NCKAP5: variants seen among roughly 807,000 people sequenced by gnomAD.
NCKAP5 encodes the protein NCK associated protein 5, also known as nck-associated protein 5.
In NCKAP5, 92 loss-of-function variants were observed where a neutral mutation model predicts 167.0. The ratio of observed to expected loss-of-function variants is 0.55; its 90% CI spans 0.47 to 0.66. NCKAP5 has a LOEUF of 0.66. Ranked by LOEUF, NCKAP5 falls within the 30% of genes least tolerant of loss-of-function variation. The pLI, the probability that NCKAP5 is intolerant of heterozygous loss-of-function variation, is 0.00. For synonymous variants in NCKAP5, 891 were observed against 877.4 expected (o/e 1.02, Z -0.27); for missense variants, 2,378 against 2,315.0 (o/e 1.03, Z -0.56).
intron 7 of NCKAP5, among the ~76,000 whole-genome samples, chr2:132,979,693 C>T (rs1050613044): frequency 6.6e-6 from 1 of 152,226 alleles, no homozygotes; most frequent in Non-Finnish European, 1.5e-5. Flanking sequence ...TTTCTTGCAT[C>T]ACAGTGCCCA....
intron 11 of NCKAP5, among the ~76,000 whole-genome samples, chr2:132,799,762 T>G (rs759549594): frequency 1.6e-4 from 25 of 152,298 alleles, no homozygotes; most frequent in Non-Finnish European, 3.5e-4. Flanking sequence ...TTTATTATTA[T>G]TTTTCAAAAT....
intron 3 of NCKAP5, among the ~76,000 whole-genome samples, chr2:133,401,241 A>G (rs139280030): frequency 1.3e-5 from 2 of 152,300 alleles, no homozygotes; most frequent in East Asian, 3.9e-4. Flanking sequence ...CTCCGGAGAG[A>G]GCATAGAAAC....
chr2:133,330,642 G>A (rs1038913814), intron 3 of NCKAP5, among the ~76,000 whole-genome samples: 3 of 152,008 alleles, frequency 2.0e-5, no homozygotes, highest in Non-Finnish European at 2.9e-5. Context: ...ATCACCCAAG[G>A]CTTTGGGAGG....
chr2:132,722,228 A>T (rs543640438), intron 19 of NCKAP5, among the ~76,000 whole-genome samples: 1 of 152,182 alleles, frequency 6.6e-6, no homozygotes, highest in Non-Finnish European at 1.5e-5. Flanking sequence ...ATGTGGAGTC[A>T]GTGAATTTGT....
In NCKAP5 at chr2:132,924,557, T is replaced by C. The variant is rs1445940661; in HGVS notation, c.579+39163A>G. 2.0e-5 allele frequency among the ~76,000 whole-genome samples: 3 copies of C among 152,218 alleles called. No individual in the cohort carries two copies. In the East Asian group the frequency reaches 5.8e-4, roughly 29 times the overall value. ...TATTCTTAGTTCTTTTAAAATTACA[T>C]GACATATTCTCTTATCAACATAGGC... On this transcript the variant is annotated intron_variant, in intron 8 of 19. Transcript: ENST00000409261.
rs145897789 is a variant in NCKAP5, at chr2:133,557,226, C to T, written c.-62+1824G>A. Among the ~76,000 whole-genome samples, 648 of 152,272 alleles carry T rather than the reference C, an allele frequency of 4.3e-3. 3 individuals are homozygous for T. Among genetic ancestry groups the T allele is most frequent in the Middle Eastern group, 0.02 (6 of 294 alleles). The stretch of plus-strand genomic sequence containing the variant: ...ATCATGAATGCGGTTTTTCTCTCTG[C>T]ACACACACTCATTTGCACGCTTGGC... On this transcript the variant is annotated intron_variant, in intron 2 of 19. Transcript: ENST00000409261.
intron 17 of NCKAP5, among the ~76,000 whole-genome samples, chr2:132,730,896 A>G (rs1333358068): frequency 6.6e-6 from 1 of 152,264 alleles, no homozygotes; most frequent in Non-Finnish European, 1.5e-5. Context: ...GAACTCAGCC[A>G]TGGGAATAGC....
chr2:133,467,898 T>C lies in NCKAP5; in HGVS notation c.69+49560A>G, dbSNP rs1054440075. On this transcript the variant is annotated intron_variant, in intron 3 of 19. Coordinates refer to ENST00000409261, the MANE Select transcript of NCKAP5 (RefSeq NM_207363.3). ...TTATTGTGTCTATTTGATTCTTCTC[T>C]CTTTTCTTCTTTATTAGTCTTGCTA... is the stretch of plus-strand genomic sequence containing the variant. 5.3e-5 allele frequency among the ~76,000 whole-genome samples: 7 copies of C among 133,222 alleles called. 2 individuals carry two copies. The highest frequency in any genetic ancestry group is 4.6e-4 in the Admixed American group (6 of 12,918). The allele number at this position is 133,222 out of a possible 152,430, so 87.4% of individuals were successfully genotyped here.
At chr2:133,258,064 T>G (rs2088711875) in intron 4 of NCKAP5, among the ~76,000 whole-genome samples, 2 of 152,204 alleles carry the variant, frequency 1.3e-5, no homozygotes, top group South Asian at 4.1e-4. Flanking sequence ...GACTTTTGGC[T>G]TGAATTAGCT....
intron 13 of NCKAP5, among the ~76,000 whole-genome samples, chr2:132,787,347 CAAAA>C (rs34393093): frequency 9.6e-6 from 1 of 104,416 alleles, no homozygotes. Flanking sequence ...GACTCCGTTT[CAAAA>C]AAAAAAAAAA....
chr2:133,336,404 T>G (rs1380407530), intron 3 of NCKAP5, among the ~76,000 whole-genome samples: 2 of 152,058 alleles, frequency 1.3e-5, no homozygotes, highest in African/African-American at 4.8e-5. Context: ...ACAGGCCAAG[T>G]GCAAACAGCT....
chr2:133,487,730 C>T (rs1681038975), intron 3 of NCKAP5, among the ~76,000 whole-genome samples: 1 of 152,116 alleles, frequency 6.6e-6, no homozygotes, highest in Admixed American at 6.6e-5. Flanking sequence ...TTCCCCTATC[C>T]TAGAATAGCT....
At chr2:133,425,752 C>G (rs1689754599) in intron 3 of NCKAP5, among the ~76,000 whole-genome samples, 1 of 152,070 alleles carries the variant, frequency 6.6e-6, no homozygotes, top group African/African-American at 2.4e-5. Context: ...CAGAAGAGGA[C>G]TGAGCACAGA....
intron 7 of NCKAP5, among the ~76,000 whole-genome samples, chr2:132,968,853 A>G (rs1366244201): frequency 6.6e-6 from 1 of 152,118 alleles, no homozygotes; most frequent in Non-Finnish European, 1.5e-5. Context: ...GCAAGTGGAA[A>G]CCTTTTTCAA....
At chr2:133,607,711 C>A in the NCKAP5 span, among the ~76,000 whole-genome samples, 1 of 152,112 alleles carries the variant, frequency 6.6e-6, no homozygotes, top group Non-Finnish European at 1.5e-5. Context: ...AAGCTCAACC[C>A]TTTGATTTAT....
chr2:133,606,711 A>G, the NCKAP5 span, among the ~76,000 whole-genome samples: 1 of 113,350 alleles, frequency 8.8e-6, no homozygotes, highest in Non-Finnish European at 1.8e-5. Context: ...TCTCTGCCAT[A>G]AAAGCTGGTT....
At chr2:132,852,522 CA>C (rs1276809705) in intron 11 of NCKAP5, among the ~76,000 whole-genome samples, 1 of 152,192 alleles carries the variant, frequency 6.6e-6, no homozygotes, top group African/African-American at 2.4e-5. Flanking sequence ...TTTCAGCCAG[CA>C]TGACACTCCT....
At chr2:133,556,805 G>A (rs1365515597) in intron 2 of NCKAP5, 1 of 152,212 alleles carries the variant, frequency 6.6e-6, no homozygotes, top group Non-Finnish European at 1.5e-5. Context: ...TGGGTATGGA[G>A]AGATGGAGAC....
chr2:132,786,224 C>G (rs1382556627), intron 13 of NCKAP5, among the ~76,000 whole-genome samples: 1 of 152,116 alleles, frequency 6.6e-6, no homozygotes, highest in Non-Finnish European at 1.5e-5. Context: ...GGGCAAAGAC[C>G]TAAGTCAGAA....
Sources: gnomAD v4.1 joint callset for allele counts (sites outside exome capture counted in the v4.1 genomes callset) on GRCh38, gnomAD v4.1.1 for gene constraint, MANE v1.5 for transcripts, NCBI Gene and HGNC (gene_info 2026-07-23, HGNC 2026-07-21) for gene names.